Variants in CNTNAP2 observed in about 807,000 individuals in gnomAD.
CNTNAP2 encodes contactin associated protein 2.
A neutral mutation model predicts 155.2 loss-of-function variants in CNTNAP2; 98 were observed. The observed-to-expected ratio is 0.63, with a 90% CI of 0.54 to 0.75. CNTNAP2 has a LOEUF of 0.75. Among genes scored for constraint, CNTNAP2 ranks in the 30% least tolerant of loss-of-function variants. CNTNAP2 has a pLI of 0.00. For missense variants in CNTNAP2, 1,727 were observed against 1,688.1 expected (o/e 1.02, Z -0.40); for synonymous variants, 651 against 631.2 (o/e 1.03, Z -0.47).
chr7:146,987,108 C>G (rs551789011), intron 3 of CNTNAP2, among the ~76,000 whole-genome samples: 7 of 152,286 alleles, frequency 4.6e-5, no homozygotes, highest in Admixed American at 3.3e-4. Flanking sequence ...TAAATTCAAA[C>G]TGCATTCTTG....
intron 21 of CNTNAP2, among the ~76,000 whole-genome samples, chr7:148,329,869 C>T (rs540007531): frequency 1.7e-4 from 26 of 152,340 alleles, no homozygotes; most frequent in South Asian, 4.1e-4. Context: ...GCACACCCCC[C>T]GGGCCAGGGC....
intron 15 of CNTNAP2, among the ~76,000 whole-genome samples, chr7:148,104,305 T>C (rs1162021892): frequency 1.3e-5 from 2 of 152,220 alleles, no homozygotes; most frequent in Non-Finnish European, 2.9e-5. Flanking sequence ...GTATGGATCA[T>C]ATCAACCCAT....
intron 10 of CNTNAP2, among the ~76,000 whole-genome samples, chr7:147,450,591 A>C (rs1190982010): frequency 6.6e-6 from 1 of 152,148 alleles, no homozygotes; most frequent in Non-Finnish European, 1.5e-5. Flanking sequence ...GCAAAAGAAG[A>C]TACCTTCCCA....
intron 15 of CNTNAP2, among the ~76,000 whole-genome samples, chr7:148,008,295 C>G (rs1802014974): frequency 6.6e-6 from 1 of 152,128 alleles, no homozygotes; most frequent in South Asian, 2.1e-4. Context: ...TTGCTTGAAC[C>G]TGGGAGGCAG....
At chr7:148,374,186 T>C (rs1448244359) in intron 21 of CNTNAP2, among the ~76,000 whole-genome samples, 1 of 152,102 alleles carries the variant, frequency 6.6e-6, no homozygotes, top group Non-Finnish European at 1.5e-5. Flanking sequence ...GCGATCTTAG[T>C]CCTCAAAGGA....
intron 3 of CNTNAP2, among the ~76,000 whole-genome samples, chr7:146,919,732 G>C (rs1796461019): frequency 6.6e-6 from 1 of 152,166 alleles, no homozygotes; most frequent in East Asian, 1.9e-4. Flanking sequence ...TCAGGCAGTG[G>C]GCGGGGCATA....
At chr7:146,324,628 T>G (rs562822666) in intron 1 of CNTNAP2, among the ~76,000 whole-genome samples, 1 of 152,196 alleles carries the variant, frequency 6.6e-6, no homozygotes, top group East Asian at 1.9e-4. Context: ...TCTATCATTT[T>G]ATTCTATTTT....
At chr7:148,133,279 C>T (rs148828428) in intron 16 of CNTNAP2, among the ~76,000 whole-genome samples, 2,436 of 151,952 alleles carry the variant, frequency 0.016, 75 homozygotes, top group African/African-American at 0.055. Context: ...CTGGCCAACA[C>T]GGTGAAACCC....
At chr7:146,803,247 G>A (rs1802911861) in intron 2 of CNTNAP2, among the ~76,000 whole-genome samples, 1 of 152,084 alleles carries the variant, frequency 6.6e-6, no homozygotes, top group African/African-American at 2.4e-5. Context: ...CTAGCAAAAG[G>A]GAAGCAATAG....
intron 13 of CNTNAP2, among the ~76,000 whole-genome samples, chr7:147,646,984 C>CTTT (rs370340266): frequency 1.4e-5 from 2 of 140,634 alleles, no homozygotes; most frequent in Non-Finnish European, 1.6e-5. Context: ...ATTATGTTCA[C>CTTT]TTTTTTTTTT....
At chr7:148,331,775 A>AGTGGATGGATGGAATGCATGG (rs1798028722) in intron 21 of CNTNAP2, among the ~76,000 whole-genome samples, 1 of 137,032 alleles carries the variant, frequency 7.3e-6, no homozygotes, top group Non-Finnish European at 1.6e-5. Flanking sequence ...GGATGGATGG[A>AGTGGATGGATGGAATGCATGG]ATGGACAGAT....
chr7:148,415,645 A>C lies in CNTNAP2; in HGVS notation c.*29A>C. ...GTGGCTACTTGGCTATGGGATAGGGAGGAGGGAATTACTAGGGAGGAGAGA... is the reference window on the plus strand; with the variant it reads ...GTGGCTACTTGGCTATGGGATAGGGCGGAGGGAATTACTAGGGAGGAGAGA... On this transcript the variant is annotated 3_prime_UTR_variant, in exon 24 of 24. Transcript: ENST00000361727. The C allele has an allele frequency of 6.2e-7, 1 of 1,612,118 alleles. No individual in the cohort carries two copies. The highest frequency in any genetic ancestry group is 8.5e-7 in the Non-Finnish European group (1 of 1,179,610).
chr7:146,386,428 G>A (rs761495393), intron 1 of CNTNAP2, among the ~76,000 whole-genome samples: 3 of 152,016 alleles, frequency 2.0e-5, no homozygotes, highest in African/African-American at 7.3e-5. Context: ...TAGCTCTGTC[G>A]CCCAGGCTGG....
intron 1 of CNTNAP2, among the ~76,000 whole-genome samples, chr7:146,663,927 C>T (rs1454033783): frequency 6.6e-6 from 1 of 152,010 alleles, no homozygotes; most frequent in Non-Finnish European, 1.5e-5. Flanking sequence ...AAAAGCAAGC[C>T]TCCCTGCTTT....
At chr7:147,869,234 A>T (rs1799286926) in intron 13 of CNTNAP2, among the ~76,000 whole-genome samples, 2 of 152,272 alleles carry the variant, frequency 1.3e-5, no homozygotes, top group African/African-American at 4.8e-5. Flanking sequence ...TATATGACAC[A>T]GTGCATTATC....
intron 13 of CNTNAP2, among the ~76,000 whole-genome samples, chr7:147,826,980 G>C (rs1156794833): frequency 2.0e-5 from 3 of 147,792 alleles, no homozygotes; most frequent in Non-Finnish European, 3.0e-5. Flanking sequence ...ACCCAGGCTG[G>C]AGTGCAGTGG....
intron 15 of CNTNAP2, among the ~76,000 whole-genome samples, chr7:148,034,571 TA>T (rs1313661461): frequency 6.6e-6 from 1 of 152,202 alleles, no homozygotes; most frequent in Non-Finnish European, 1.5e-5. Context: ...TTCTGTGCTT[TA>T]TAAATTACCC....
At chr7:146,921,685 C>T (rs995361398) in intron 3 of CNTNAP2, among the ~76,000 whole-genome samples, 1 of 152,074 alleles carries the variant, frequency 6.6e-6, no homozygotes, top group African/African-American at 2.4e-5. Context: ...TTATCTCCAC[C>T]TGGCCCCACC....
chr7:147,647,240 A>T (rs947514699), intron 13 of CNTNAP2, among the ~76,000 whole-genome samples: 4 of 151,656 alleles, frequency 2.6e-5, no homozygotes, highest in Non-Finnish European at 4.4e-5. Context: ...AGCTCAGGCA[A>T]TCTGCCCGCC....
Sources: gnomAD v4.1 joint callset for allele counts (sites outside exome capture counted in the v4.1 genomes callset) on GRCh38, gnomAD v4.1.1 for gene constraint, MANE v1.5 for transcripts, NCBI Gene and HGNC (gene_info 2026-07-23, HGNC 2026-07-21) for gene names.